PTCD1: variants seen among roughly 807,000 people sequenced by gnomAD.
PTCD1 encodes pentatricopeptide repeat domain 1.
Under a neutral mutation model 53.4 loss-of-function variants are expected in PTCD1, and 50 were observed. The ratio of observed to expected loss-of-function variants is 0.94; its 90% confidence interval spans 0.75 to 1.19. The LOEUF is 1.19. PTCD1 is among the 50% of genes most tolerant of loss of function. PTCD1 has a pLI of 0.00. For synonymous variants in PTCD1, 413 were observed against 394.8 expected (o/e 1.05, Z -0.55); for missense variants, 918 against 904.8 (o/e 1.01, Z -0.19).
Position 99,434,958 on chromosome 7 carries a change from T to C in PTCD1, c.285A>G (p.Lys95=), listed in dbSNP as rs774296734. The change falls in exon 2 of 8, where the codon AAA becomes AAG. Residue 95 remains lysine, a synonymous_variant. Coordinates refer to ENST00000292478, the MANE Select transcript of PTCD1 (RefSeq NM_015545.4). ...EEESFGTLSD[K]YSSRRLFRKS... is the part of the protein sequence containing the mutation. Reference sequence around the variant, plus strand: ...TGCGGAATAGTCTCCGGGAGGAGTATTTGTCAGAGAGGGTCCCAAAACTCT... The same window carrying C: ...TGCGGAATAGTCTCCGGGAGGAGTACTTGTCAGAGAGGGTCCCAAAACTCT... 1.9e-6 allele frequency: 3 copies of C among 1,614,188 alleles called. No individual in the cohort carries two copies. The East Asian group carries it at 6.7e-5, about 36-fold the overall frequency.
At chr7:99,420,844 G>A (rs545692671) in intron 7 of PTCD1, among the ~76,000 whole-genome samples, 32 of 152,160 alleles carry the variant, frequency 2.1e-4, no homozygotes, top group Admixed American at 3.9e-4. Context: ...CTACCTGGGA[G>A]GTTAAGGCAG....
rs2150950444 is a variant in PTCD1, at chr7:99,425,593, T to C, written c.939A>G (p.Leu313=). 1.2e-6 allele frequency: 2 copies of C among 1,609,284 alleles called. No homozygotes were observed. The highest frequency in any genetic ancestry group is 1.7e-6 in the Non-Finnish European group (2 of 1,179,042). ...AGCTGTCCCGGCTCGGCTGTAGCCC[T>C]AGACTCAGCATCAGCCGCCACACCT... ...ALQVWRLMLS[L]GLQPSRDSYN... Residue 313 remains leucine, a synonymous_variant, in exon 6 of 8, where the codon CTA becomes CTG. Transcript: ENST00000292478.
intron 4 of PTCD1, 37 bp downstream of exon 4, chr7:99,429,551 C>A: frequency 1.2e-6 from 2 of 1,613,998 alleles, no homozygotes; most frequent in Non-Finnish European, 8.5e-7. Context: ...TGGGACCAGC[C>A]CCATGAAGGG....
At chr7:99,424,553 G>A (rs923941200) in intron 6 of PTCD1, among the ~76,000 whole-genome samples, 2 of 152,160 alleles carry the variant, frequency 1.3e-5, no homozygotes, top group Admixed American at 6.5e-5. Flanking sequence ...GTCAACCCAC[G>A]GCCACCTTCT....
In PTCD1 at chr7:99,429,795, C is replaced by T. The variant is rs1796190410; in HGVS notation, c.606G>A (p.Arg202=). Residue 202 remains arginine (R), a synonymous_variant, in exon 4 of 8, where the codon CGG becomes CGA. Transcript: ENST00000292478. ...AGGTGGCGTCCGAGGGCTCCAGGTCCCGCTTTTTCATCTGTGGAGATGGAA... is the reference window on the plus strand; with the variant it reads ...AGGTGGCGTCCGAGGGCTCCAGGTCTCGCTTTTTCATCTGTGGAGATGGAA... The part of the protein sequence containing the change: ...AFNLYNQMKK[R]DLEPSDATYT... The T allele has an allele frequency of 6.2e-6, 10 of 1,614,110 alleles. No homozygotes were observed. The highest frequency in any genetic ancestry group is 8.5e-6 in the Non-Finnish European group (10 of 1,180,038).
chr7:99,427,975 C>T (rs921174001), intron 5 of PTCD1, among the ~76,000 whole-genome samples: 1 of 150,476 alleles, frequency 6.6e-6, no homozygotes, highest in African/African-American at 2.5e-5. Flanking sequence ...TGCAGAAGGC[C>T]GCAGGGTCGT....
rs1253758855 is a variant in PTCD1, at chr7:99,425,498, A to G, written c.1034T>C (p.Leu345Pro). Residue 345 changes from leucine (L) to proline (P), a missense_variant, in exon 6 of 8, where the codon CTG (leucine) becomes CCG (proline). Coordinates refer to ENST00000292478, the MANE Select transcript of PTCD1 (RefSeq NM_015545.4). ...CACAGTCGCCTCCTCCCTGGGCTTC[A>G]GAAGCAGCTCTGAGGCCACCTGGGG... ...GDPQVASELLLKPREEATVLQ... is the reference protein window; with the variant it reads ...GDPQVASELLPKPREEATVLQ... 1 of 1,612,622 alleles carries G rather than the reference A, an allele frequency of 6.2e-7. No individual in the cohort carries two copies.
chr7:99,429,262 C>T (rs1796171299), intron 4 of PTCD1, 58 bp from the exon 5 acceptor site: 1 of 1,597,226 alleles, frequency 6.3e-7, no homozygotes, highest in Non-Finnish European at 8.6e-7. Flanking sequence ...GGCATGGTAG[C>T]TCATGTCTGT....
Position 99,423,858 on chromosome 7 carries a change from T to A in PTCD1, c.1837A>T (p.Met613Leu). 1 of 1,614,222 alleles carries A rather than the reference T, an allele frequency of 6.2e-7. No individual in the cohort carries two copies. The highest frequency in any genetic ancestry group is 8.5e-7 in the Non-Finnish European group (1 of 1,180,036). The change falls in exon 7 of 8, where the codon ATG becomes TTG. Residue 613 changes from methionine (M) to leucine (L), a missense_variant. Physicochemically the swap from Met to Leu is conservative, Grantham distance 15. Coordinates refer to ENST00000292478, the MANE Select transcript of PTCD1 (RefSeq NM_015545.4). ...YTYLISILKD[M>L]KQNRVPVNEV... The stretch of plus-strand genomic sequence containing the variant: ...TTCACCGGGACCCTGTTCTGCTTCA[T>A]GTCCTTCAAGATGCTGATGAGATAG...
At chr7:99,435,922 G>A (rs1288840367) in intron 1 of PTCD1, among the ~76,000 whole-genome samples, 11 of 146,726 alleles carry the variant, frequency 7.5e-5, no homozygotes, top group African/African-American at 2.6e-4. Flanking sequence ...GTGACAGTGA[G>A]ACTCTGTCTC....
At chr7:99,430,163 C>T (rs747291954) in intron 3 of PTCD1, among the ~76,000 whole-genome samples, 25 of 152,244 alleles carry the variant, frequency 1.6e-4, no homozygotes, top group Non-Finnish European at 3.2e-4. Context: ...TGAGGGCTCC[C>T]GGGCAAGTTA....
At chr7:99,424,001 T>C (rs1476322285) in intron 6 of PTCD1, 44 bp from the exon 7 acceptor site, 2 of 1,601,690 alleles carry the variant, frequency 1.2e-6, no homozygotes, top group African/African-American at 1.3e-5. Context: ...TGGCAGCCAT[T>C]GGGACCCAGC....
Position 99,417,312 on chromosome 7 carries a change from C to T in PTCD1, c.*2655G>A. ...AGGTGATCCGCCTGCCTCGGCCTCC[C>T]AAAGTGCTGGGATTACAGGTGTGAG... is the stretch of plus-strand genomic sequence containing the variant. On this transcript the variant is annotated 3_prime_UTR_variant, in exon 8 of 8. Transcript: ENST00000292478. 1 of 1,071,670 alleles carries T rather than the reference C, an allele frequency of 9.3e-7. No individual in the cohort carries two copies. Among genetic ancestry groups the T allele is most frequent in the South Asian group, 1.3e-5 (1 of 75,388 alleles). The allele number at this position is 1,071,670 out of a possible 1,614,324, so 66.4% of individuals were successfully genotyped here.
chr7:99,433,570 C>T, intron 2 of PTCD1, 152 bp from the exon 3 acceptor site: 2 of 1,461,236 alleles, frequency 1.4e-6, no homozygotes, highest in East Asian at 2.4e-5. Context: ...GCTGTTTCTG[C>T]CCCATCCCTC....
intron 1 of PTCD1, 78 bp from the exon 2 acceptor site, chr7:99,435,346 G>A: frequency 1.3e-6 from 2 of 1,557,872 alleles, no homozygotes; most frequent in South Asian, 1.1e-5. Flanking sequence ...GTGGTTACAA[G>A]TATGGGCCCA....
Position 99,429,684 on chromosome 7 carries a change from CT to C in PTCD1, c.716del (p.Gln239ArgfsTer9). On this transcript the variant is annotated frameshift_variant, in exon 4 of 8. Coordinates refer to ENST00000292478, the MANE Select transcript of PTCD1 (RefSeq NM_015545.4). LOFTEE classifies it high-confidence loss of function. ...TCAAGTTGAGCTCGAAGTTTTTGGC[CT>C]GCAGCTGCTGCCGGAGCTTCAGGGC... is the stretch of plus-strand genomic sequence containing the variant. ...QSALKLRQQL[Q>X]AKNFELNLKT... The C allele has an allele frequency of 6.2e-7, 1 of 1,614,240 alleles. No homozygotes were observed. Among genetic ancestry groups the C allele is most frequent in the Non-Finnish European group, 8.5e-7 (1 of 1,180,036 alleles).
At chr7:99,427,471 G>A (rs1384649357) in intron 5 of PTCD1, among the ~76,000 whole-genome samples, 2 of 149,890 alleles carry the variant, frequency 1.3e-5, no homozygotes, top group African/African-American at 4.9e-5. Context: ...CCCCGTCCGG[G>A]AGGGAGGTGG....
intron 5 of PTCD1, among the ~76,000 whole-genome samples, chr7:99,426,722 G>C (rs1324439547): frequency 6.6e-6 from 1 of 150,934 alleles, no homozygotes; most frequent in African/African-American, 2.4e-5. Context: ...ATCCCATCTA[G>C]GAAGTGAGGA....
intron 3 of PTCD1, 43 bp from the exon 4 acceptor site, chr7:99,429,849 G>C: frequency 6.2e-7 from 1 of 1,609,824 alleles, no homozygotes; most frequent in Non-Finnish European, 8.5e-7. Flanking sequence ...GGGATCAGCT[G>C]GACGCACAGG....
Sources: gnomAD v4.1 joint callset for allele counts (sites outside exome capture counted in the v4.1 genomes callset) on GRCh38, gnomAD v4.1.1 for gene constraint, MANE v1.5 for transcripts, NCBI Gene and HGNC (gene_info 2026-07-23, HGNC 2026-07-21) for gene names.